ARHGEF3: variants seen among roughly 807,000 people sequenced by gnomAD.
The protein encoded by ARHGEF3 is Rho guanine nucleotide exchange factor 3.
Under a neutral mutation model 63.2 loss-of-function variants are expected in ARHGEF3, and 28 were observed. The ratio of observed to expected loss-of-function variants is 0.44; its 90% CI spans 0.33 to 0.61. ARHGEF3 has a LOEUF of 0.61. Among genes scored for constraint, ARHGEF3 ranks in the 20% least tolerant of loss-of-function variants. ARHGEF3 has a pLI of 0.03. For synonymous variants in ARHGEF3, 266 were observed against 254.2 expected (o/e 1.05, Z -0.44); for missense variants, 533 against 659.3 (o/e 0.81, Z 2.10).
intron 2 of ARHGEF3, among the ~76,000 whole-genome samples, chr3:57,034,914 G>A (rs908342411): frequency 6.6e-6 from 1 of 152,002 alleles, no homozygotes; most frequent in Non-Finnish European, 1.5e-5. Flanking sequence ...TCTCACCTCA[G>A]CCTTGCAAAG....
At chr3:56,807,332 A>G (rs1389758849) in intron 4 of ARHGEF3, among the ~76,000 whole-genome samples, 1 of 152,234 alleles carries the variant, frequency 6.6e-6, no homozygotes, top group African/African-American at 2.4e-5. Context: ...TATGCCAGGC[A>G]GATGTTTAAT....
chr3:56,801,652 A>T, intron 1 of ARHGEF3, 51 bp downstream of exon 1: 1 of 1,540,550 alleles, frequency 6.5e-7, no homozygotes, highest in Non-Finnish European at 8.8e-7. Flanking sequence ...ATGGAGGCAG[A>T]CGAGACAGGC....
intron 1 of ARHGEF3, among the ~76,000 whole-genome samples, chr3:56,796,709 T>C (rs1470286498): frequency 2.0e-5 from 3 of 152,326 alleles, no homozygotes; most frequent in Non-Finnish European, 4.4e-5. Flanking sequence ...TTTAGTCACT[T>C]AGAGGCAATG....
intron 1 of ARHGEF3, among the ~76,000 whole-genome samples, chr3:57,036,789 G>T (rs1455903251): frequency 6.6e-6 from 1 of 152,232 alleles, no homozygotes; most frequent in Non-Finnish European, 1.5e-5. Flanking sequence ...AGCTAGTGCT[G>T]GCTGAATGGT....
chr3:57,037,162 G>A (rs1703996926), intron 1 of ARHGEF3, among the ~76,000 whole-genome samples: 1 of 152,188 alleles, frequency 6.6e-6, no homozygotes, highest in African/African-American at 2.4e-5. Context: ...AGGGGCCCAG[G>A]CTAGGGCGAG....
chr3:56,973,062 G>T (rs1700984385), intron 2 of ARHGEF3, among the ~76,000 whole-genome samples: 1 of 151,548 alleles, frequency 6.6e-6, no homozygotes, highest in African/African-American at 2.4e-5. Flanking sequence ...TGTCGCCCAG[G>T]CTGGAGTGCA....
At chr3:57,030,993 C>T (rs1422462297) in intron 2 of ARHGEF3, among the ~76,000 whole-genome samples, 1 of 152,362 alleles carries the variant, frequency 6.6e-6, no homozygotes, top group African/African-American at 2.4e-5. Flanking sequence ...CAGGGAGCCC[C>T]AGTCCTTGAG....
chr3:56,923,071 T>G (rs113480428), intron 3 of ARHGEF3, among the ~76,000 whole-genome samples: 1 of 40,434 alleles, frequency 2.5e-5, no homozygotes, highest in Non-Finnish European at 5.4e-5. Flanking sequence ...TATATATATA[T>G]ATATAAATTA....
At chr3:56,858,685 G>A (rs2039966902) in intron 4 of ARHGEF3, among the ~76,000 whole-genome samples, 1 of 152,222 alleles carries the variant, frequency 6.6e-6, no homozygotes, top group Non-Finnish European at 1.5e-5. Flanking sequence ...ATTGAAAGCT[G>A]AGATCAGAAC....
At chr3:56,821,461 T>G (rs1334006720) in intron 4 of ARHGEF3, among the ~76,000 whole-genome samples, 1 of 152,220 alleles carries the variant, frequency 6.6e-6, no homozygotes, top group Non-Finnish European at 1.5e-5. Flanking sequence ...GTACAGTTTC[T>G]CCAGATATCA....
At chr3:56,970,514 C>G (rs1485865767) in intron 2 of ARHGEF3, among the ~76,000 whole-genome samples, 2 of 152,118 alleles carry the variant, frequency 1.3e-5, no homozygotes, top group Non-Finnish European at 2.9e-5. Context: ...TTACTTGAGT[C>G]ACTCAACGAT....
intron 3 of ARHGEF3, among the ~76,000 whole-genome samples, chr3:56,905,174 G>A (rs576992768): frequency 9.9e-5 from 15 of 152,076 alleles, no homozygotes; most frequent in African/African-American, 3.6e-4. Context: ...TATTTTTTAG[G>A]TATTCATTTT....
intron 4 of ARHGEF3, among the ~76,000 whole-genome samples, chr3:56,846,252 A>G (rs1475573916): frequency 3.3e-5 from 5 of 152,226 alleles, no homozygotes; most frequent in African/African-American, 7.2e-5. Context: ...TCATGCCTCA[A>G]AGGAGCACAA....
At chr3:57,031,752 G>A (rs1021889746) in intron 2 of ARHGEF3, among the ~76,000 whole-genome samples, 6 of 145,568 alleles carry the variant, frequency 4.1e-5, no homozygotes, top group Non-Finnish European at 6.2e-5. Context: ...GATGGATCAC[G>A]TGAGGCAGTT....
chr3:56,732,476 T>C (rs1559882020), intron 8 of ARHGEF3, 52 bp from the exon 9 acceptor site: 4 of 1,596,144 alleles, frequency 2.5e-6, no homozygotes, highest in South Asian at 2.2e-5. Context: ...TAATGAGTGG[T>C]TGATATGTGG....
At chr3:57,066,323 A>G (rs1427212913) in intron 1 of ARHGEF3, among the ~76,000 whole-genome samples, 5 of 150,584 alleles carry the variant, frequency 3.3e-5, no homozygotes, top group East Asian at 1.9e-4. Context: ...GTACAGTGGC[A>G]TGATCTTGGC....
chr3:56,951,677 T>C (rs1302754757), intron 3 of ARHGEF3, among the ~76,000 whole-genome samples: 1 of 152,008 alleles, frequency 6.6e-6, no homozygotes, highest in East Asian at 1.9e-4. Context: ...TCCTATGTAT[T>C]TTCTCTTCTA....
At chr3:57,060,805 G>T (rs946997016) in intron 1 of ARHGEF3, 1 of 146,862 alleles carries the variant, frequency 6.8e-6, no homozygotes, top group Non-Finnish European at 1.5e-5. Flanking sequence ...TTTACCTGCC[G>T]CCCCACCCCC....
At chr3:57,013,148 C>G (rs371760108) in intron 2 of ARHGEF3, among the ~76,000 whole-genome samples, 3 of 152,342 alleles carry the variant, frequency 2.0e-5, no homozygotes, top group Admixed American at 2.0e-4. Context: ...CTGAGCCCCC[C>G]GCCCTGGCGG....
Sources: gnomAD v4.1 joint callset for allele counts (sites outside exome capture counted in the v4.1 genomes callset) on GRCh38, gnomAD v4.1.1 for gene constraint, MANE v1.5 for transcripts, NCBI Gene and HGNC (gene_info 2026-07-23, HGNC 2026-07-21) for gene names.